Variants in SMAD6 observed in about 807,000 individuals in gnomAD.
SMAD6 encodes the protein MAD homolog 6.
In SMAD6, 103 loss-of-function variants were observed where a neutral mutation model predicts 39.4. The observed-to-expected ratio is 2.62, with a 90% CI of 2.23 to 3.08. SMAD6 has a LOEUF of 3.08. Among genes scored for constraint, SMAD6 ranks in the 30% most tolerant of loss-of-function variants. The pLI is 0.00. For missense variants in SMAD6, 1,104 were observed against 742.9 expected, an observed-to-expected ratio of 1.49 and a Z score of -5.65; for synonymous variants, 445 against 353.3, an observed-to-expected ratio of 1.26 and a Z score of -2.91.
intron 2 of SMAD6, among the ~76,000 whole-genome samples, chr15:66,714,781 G>C (rs931840610): frequency 2.0e-5 from 3 of 152,192 alleles, no homozygotes; most frequent in Non-Finnish European, 4.4e-5. Flanking sequence ...AGATGTGAGG[G>C]TTTGGCAAGG....
At chr15:66,759,139 T>C (rs969220435) in intron 3 of SMAD6, among the ~76,000 whole-genome samples, 4 of 152,332 alleles carry the variant, frequency 2.6e-5, no homozygotes, top group Admixed American at 6.5e-5. Context: ...AATTTCTCTT[T>C]TGCTGATTCC....
At position 66,781,854 on chromosome 15, in the gene SMAD6, T is replaced by TTATA. The variant is rs1047590293; in HGVS notation, c.*330_*333dup. 1.8e-5 allele frequency: 7 copies of TTATA among 397,768 alleles called. No individual in the cohort carries two copies. The East Asian group carries it at 2.2e-4, about 12-fold the overall frequency. 24.6% of individuals were successfully genotyped at this position (397,768 alleles called of 1,614,324 possible). The stretch of plus-strand genomic sequence containing the variant: ...CTTCCTCCTTCCTCTTCCTTACTTT[T>TTATA]TATATATATATATAAAGAAAATGAT... On this transcript the variant is annotated 3_prime_UTR_variant, in exon 4 of 4. Coordinates refer to ENST00000288840, the MANE Select transcript of SMAD6 (RefSeq NM_005585.5).
chr15:66,704,215 A>G (rs1595757771), intron 1 of SMAD6, 140 bp downstream of exon 1: 2 of 578,876 alleles, frequency 3.5e-6, no homozygotes, highest in Non-Finnish European at 5.3e-6. Flanking sequence ...CCACCAGGGG[A>G]GGCGCCTCAG....
intron 3 of SMAD6, chr15:66,717,064 C>G: frequency 7.8e-7 from 1 of 1,289,164 alleles, no homozygotes; most frequent in Non-Finnish European, 1.0e-6. Flanking sequence ...CCTCTGTCCC[C>G]TGCAGTTAGA....
At chr15:66,744,261 G>A (rs935571285) in intron 3 of SMAD6, among the ~76,000 whole-genome samples, 8 of 152,194 alleles carry the variant, frequency 5.3e-5, no homozygotes, top group African/African-American at 1.9e-4. Context: ...AGGAAGGGAG[G>A]CATTTGGTAA....
chr15:66,713,573 C>T (rs191972900), intron 2 of SMAD6, among the ~76,000 whole-genome samples: 1,572 of 152,350 alleles, frequency 0.01, 31 homozygotes, highest in African/African-American at 0.035. Flanking sequence ...CCTCCTTGGC[C>T]TCCCAAAGTG....
chr15:66,755,764 T>G (rs555924351), intron 3 of SMAD6, among the ~76,000 whole-genome samples: 28 of 152,222 alleles, frequency 1.8e-4, no homozygotes, highest in Non-Finnish European at 3.5e-4. Context: ...CTGCTGGTAC[T>G]CCAGGGTCTG....
rs781686740 is a variant in SMAD6 at position 66,703,535 on chromosome 15, A to C, written c.277A>C (p.Met93Leu). 1 of 1,221,538 alleles carries C rather than the reference A, an allele frequency of 8.2e-7. No individual in the cohort carries two copies. Among genetic ancestry groups the C allele is most frequent in the Non-Finnish European group, 1.0e-6 (1 of 978,964 alleles). 75.7% of individuals were successfully genotyped at this position (1,221,538 alleles called of 1,614,324 possible). A position where few individuals can be genotyped will look rare whatever the true frequency, so the allele number is the denominator to read the frequency against. ...GCGCGCAGGGGGCCCCCCGAGGCCC[A>C]TGTCGGAGCCAGGGGCCGGCGCTGG... is the stretch of plus-strand genomic sequence containing the variant. ...RRRAGGPPRP[M>L]SEPGAGAGSS... The change falls in exon 1 of 4, where the codon ATG (methionine) becomes CTG (leucine). Residue 93 changes from methionine (M) to leucine (L), a missense_variant. By Grantham distance (15) the Met-to-Leu change is conservative. Coordinates refer to ENST00000288840, the MANE Select transcript of SMAD6 (RefSeq NM_005585.5).
intron 2 of SMAD6, among the ~76,000 whole-genome samples, 181 bp from the exon 3 acceptor site, chr15:66,716,240 T>C (rs564888060): frequency 6.6e-6 from 1 of 152,300 alleles, no homozygotes; most frequent in South Asian, 2.1e-4. Flanking sequence ...CTGGCTGGTC[T>C]GGTCTGGGGT....
At chr15:66,736,192 G>C (rs1893709551) in intron 3 of SMAD6, among the ~76,000 whole-genome samples, 1 of 151,826 alleles carries the variant, frequency 6.6e-6, no homozygotes, top group Non-Finnish European at 1.5e-5. Context: ...CTAGGTGTAG[G>C]GTTGCCAGAT....
At chr15:66,767,308 T>C (rs1488043527) in intron 3 of SMAD6, among the ~76,000 whole-genome samples, 1 of 152,196 alleles carries the variant, frequency 6.6e-6, no homozygotes, top group Non-Finnish European at 1.5e-5. Context: ...GCATGGGCTG[T>C]GGGAACCAAG....
chr15:66,720,486 T>G (rs912675366), intron 3 of SMAD6, among the ~76,000 whole-genome samples: 8 of 152,094 alleles, frequency 5.3e-5, no homozygotes, highest in African/African-American at 1.9e-4. Context: ...CAGGGCTGCT[T>G]AAGCACCCGG....
intron 3 of SMAD6, among the ~76,000 whole-genome samples, chr15:66,750,676 G>A (rs980922613): frequency 3.3e-5 from 5 of 152,188 alleles, no homozygotes; most frequent in African/African-American, 1.2e-4. Flanking sequence ...GGGAAGGGAA[G>A]AGAAGGGGCC....
chr15:66,730,611 A>G (rs1893610367), intron 3 of SMAD6, among the ~76,000 whole-genome samples: 1 of 71,406 alleles, frequency 1.4e-5, no homozygotes. Context: ...GTCATTACCC[A>G]TGAGTCAGTC....
rs539571622 is a variant in SMAD6 at position 66,711,825 on chromosome 15, T to C, written c.874+101T>C. 74 of 986,530 alleles carry C rather than the reference T, an allele frequency of 7.5e-5. No homozygotes were observed. In the East Asian group the frequency reaches 7.5e-4, roughly 10 times the overall value. 61.1% of individuals were successfully genotyped at this position (986,530 alleles called of 1,614,324 possible). On this transcript the variant is annotated intron_variant, in intron 2 of 3. Coordinates refer to ENST00000288840, the MANE Select transcript of SMAD6 (RefSeq NM_005585.5). ...CCTCAGGGCTGGAGGGCTGGAGGGCTGGAGGGGAGGGGTGAAAGCCGGACT... is the reference window on the plus strand; with the variant it reads ...CCTCAGGGCTGGAGGGCTGGAGGGCCGGAGGGGAGGGGTGAAAGCCGGACT...
intron 3 of SMAD6, chr15:66,717,548 T>A: frequency 2.3e-6 from 1 of 432,338 alleles, no homozygotes; most frequent in South Asian, 1.6e-5. Context: ...GTCCTGTCGT[T>A]CTTGATGTAG....
chr15:66,742,613 C>A (rs755451), intron 3 of SMAD6, among the ~76,000 whole-genome samples: 80,848 of 151,854 alleles, frequency 0.53, 21,778 homozygotes, highest in East Asian at 0.73. Context: ...CGTAATTGGT[C>A]GCTCTGAAAA....
chr15:66,754,537 G>A (rs1026434939), intron 3 of SMAD6, among the ~76,000 whole-genome samples: 13 of 152,164 alleles, frequency 8.5e-5, no homozygotes, highest in African/African-American at 1.9e-4. Context: ...ACTATGCGGT[G>A]GATAGGATTC....
intron 3 of SMAD6, among the ~76,000 whole-genome samples, chr15:66,730,560 G>A (rs1893609044): frequency 6.6e-6 from 1 of 152,276 alleles, no homozygotes; most frequent in East Asian, 1.9e-4. Context: ...TGGCCCTGGC[G>A]CCTAGCATGG....
Sources: gnomAD v4.1 joint callset for allele counts (sites outside exome capture counted in the v4.1 genomes callset) on GRCh38, gnomAD v4.1.1 for gene constraint, MANE v1.5 for transcripts, NCBI Gene and HGNC (gene_info 2026-07-23, HGNC 2026-07-21) for gene names.